BRIP1: variants seen among roughly 807,000 people sequenced by gnomAD.
BRIP1 encodes BRCA1 interacting DNA helicase 1.
A neutral mutation model predicts 119.7 loss-of-function variants in BRIP1; 88 were observed. That is an observed-to-expected ratio of 0.74 (90% CI 0.62 to 0.88). BRIP1 has a LOEUF of 0.88. BRIP1 is among the 40% of genes least tolerant of loss of function. The pLI, the probability that BRIP1 is intolerant of heterozygous loss-of-function variation, is 0.00. For missense variants in BRIP1, 1,259 were observed against 1,455.4 expected, an observed-to-expected ratio of 0.87 and a Z score of 2.20; for synonymous variants, 443 against 496.5, an observed-to-expected ratio of 0.89 and a Z score of 1.43.
Position 61,706,679 on chromosome 17 carries a change from T to G in BRIP1, c.2492+9272A>C, listed in dbSNP as rs1004631454. On this transcript the variant is annotated intron_variant, in intron 17 of 19. Transcript: ENST00000259008. This position sits in a 1 kb window ranked among gnomAD's most constrained non-coding sequence, Gnocchi z 5.7. ...AAGATGTTTATTTCTCTTATACCAC[T>G]GATACTTCACCATCCCTTCCTGGGA... 6.6e-6 allele frequency among the ~76,000 whole-genome samples: 1 copy of G among 152,182 alleles called. No homozygotes were observed. Among genetic ancestry groups the G allele is most frequent in the Non-Finnish European group, 1.5e-5 (1 of 67,988 alleles).
intron 4 of BRIP1, among the ~76,000 whole-genome samples, chr17:61,854,083 C>G (rs186290338): frequency 6.6e-6 from 1 of 151,984 alleles, no homozygotes; most frequent in Non-Finnish European, 1.5e-5. Flanking sequence ...CAAGACAAGC[C>G]TGGGGAACAC....
At chr17:61,782,546 G>A (rs1465992351) in intron 11 of BRIP1, among the ~76,000 whole-genome samples, 1 of 151,976 alleles carries the variant, frequency 6.6e-6, no homozygotes, top group South Asian at 2.1e-4. Flanking sequence ...CTGCATCAAA[G>A]GACACTATGA....
At position 61,708,576 on chromosome 17, in the gene BRIP1, A is replaced by G. The variant is rs758744015; in HGVS notation, c.2492+7375T>C. The stretch of plus-strand genomic sequence containing the variant: ...TGTTCTAGTCTGTTGTGTTGTTTCT[A>G]TTTTCTCAGAGTTCTTCTGCTGTGT... On this transcript the variant is annotated intron_variant, in intron 17 of 19. Coordinates refer to ENST00000259008, the MANE Select transcript of BRIP1 (RefSeq NM_032043.3). The surrounding 1 kb of genome is among the most constrained non-coding windows in gnomAD (Gnocchi z 4.4). 3.9e-5 allele frequency among the ~76,000 whole-genome samples: 6 copies of G among 151,932 alleles called. No homozygotes were observed. Among genetic ancestry groups the G allele is most frequent in the South Asian group, 4.2e-4 (2 of 4,812 alleles).
intron 14 of BRIP1, among the ~76,000 whole-genome samples, chr17:61,749,088 G>T (rs984147300): frequency 5.3e-5 from 8 of 150,050 alleles, no homozygotes; most frequent in South Asian, 4.2e-4. Context: ...AGTGAGCCAA[G>T]ATCACGCCAC....
rs1241591829 is a variant in BRIP1, at chr17:61,804,960, G to C, written c.919-3486C>G. 1.0e-4 allele frequency among the ~76,000 whole-genome samples: 3 copies of C among 28,574 alleles called. No homozygotes were observed. Among genetic ancestry groups the C allele is most frequent in the Non-Finnish European group, 1.9e-4 (2 of 10,790 alleles). The allele number at this position is 28,574 out of a possible 152,430, so 18.7% of individuals were successfully genotyped here. On this transcript the variant is annotated intron_variant, in intron 7 of 19. Transcript: ENST00000259008. This position sits in a 1 kb window ranked among gnomAD's most constrained non-coding sequence, Gnocchi z 4.5. The stretch of plus-strand genomic sequence containing the variant: ...ATGAAATGTCTCTCTCTTTCTGTGT[G>C]TGTGTGTGTGTGTGTGTGTGTGTGT...
In BRIP1 at chr17:61,820,707, T is replaced by G. The variant is rs572941500; in HGVS notation, c.628-11950A>C. 1.5e-3 allele frequency among the ~76,000 whole-genome samples: 235 copies of G among 152,288 alleles called. 5 individuals are homozygous for G. The South Asian group carries it at 0.04, about 26-fold the overall frequency. The stretch of plus-strand genomic sequence containing the variant: ...GCTCACGCCTGTAATCCCAACACTT[T>G]GGGAGACCGAGGGGAGTGGATCACT... On this transcript the variant is annotated intron_variant, in intron 6 of 19. Coordinates refer to ENST00000259008, the MANE Select transcript of BRIP1 (RefSeq NM_032043.3).
Position 61,693,153 on chromosome 17 carries a change from C to G in BRIP1, c.2575+277G>C, listed in dbSNP as rs921321739. ...GCATAATTCAATTTATATGAGGTAT[C>G]CAAAACAGTCAAACTAATAGAAGCA... On this transcript the variant is annotated intron_variant, in intron 18 of 19. Coordinates refer to ENST00000259008, the MANE Select transcript of BRIP1 (RefSeq NM_032043.3). This position sits in a 1 kb window ranked among gnomAD's most constrained non-coding sequence, Gnocchi z 4.2. Among the ~76,000 whole-genome samples the G allele has an allele frequency of 6.6e-6, 1 of 152,052 alleles. No homozygotes were observed. Among genetic ancestry groups the G allele is most frequent in the African/African-American group, 2.4e-5 (1 of 41,378 alleles).
intron 10 of BRIP1, among the ~76,000 whole-genome samples, chr17:61,786,116 G>A (rs1360827475): frequency 1.3e-5 from 2 of 151,924 alleles, no homozygotes; most frequent in Non-Finnish European, 2.9e-5. Flanking sequence ...AACTATACTG[G>A]CAGAATAGAG....
At position 61,852,344 on chromosome 17, in the gene BRIP1, A is replaced by T. The variant is rs1419402934; in HGVS notation, c.380-3088T>A. 1.3e-5 allele frequency among the ~76,000 whole-genome samples: 2 copies of T among 152,262 alleles called. No homozygotes were observed. The highest frequency in any genetic ancestry group is 2.1e-4 in the South Asian group (1 of 4,812). On this transcript the variant is annotated intron_variant, in intron 4 of 19. Coordinates refer to ENST00000259008, the MANE Select transcript of BRIP1 (RefSeq NM_032043.3). The surrounding 1 kb of genome is among the most constrained non-coding windows in gnomAD (Gnocchi z 4.9). ...AGATATCTCCCGATTATGTTTTTTT[A>T]AAATCTTCAAGAAACCTAAGAAATA...
rs2077288504 is a variant in BRIP1 at position 61,762,278 on chromosome 17, C to T, written c.2097+14123G>A. Among the ~76,000 whole-genome samples the T allele has an allele frequency of 6.6e-6, 1 of 151,874 alleles. No homozygotes were observed. Among genetic ancestry groups the T allele is most frequent in the Admixed American group, 6.6e-5 (1 of 15,222 alleles). On this transcript the variant is annotated intron_variant, in intron 14 of 19. Transcript: ENST00000259008. This position sits in a 1 kb window ranked among gnomAD's most constrained non-coding sequence, Gnocchi z 4.3. Reference sequence around the variant, plus strand: ...TGAATTAAAGATTTAAACCCAAGAACTGAAACTGTAAAACTACTAGAAGAA... The same window carrying T: ...TGAATTAAAGATTTAAACCCAAGAATTGAAACTGTAAAACTACTAGAAGAA...
Position 61,861,473 on chromosome 17 carries a change from G to A in BRIP1, c.67C>T (p.Pro23Ser), listed in dbSNP as rs1603368425. ...GAATTCATCATAGCAAGCTGTGACGGGTAAGCTTTATAAGGAAAGTAAATC... is the reference window on the plus strand; with the variant it reads ...GAATTCATCATAGCAAGCTGTGACGAGTAAGCTTTATAAGGAAAGTAAATC... Reference protein sequence around the residue: ...VKIYFPYKAYPSQLAMMNSIL... With the variant: ...VKIYFPYKAYSSQLAMMNSIL... The change falls in exon 2 of 20, where the codon CCG (proline) becomes TCG (serine). Residue 23 changes from proline to serine, a missense_variant. Physicochemically the swap from Pro to Ser is moderately conservative, Grantham distance 74. Transcript: ENST00000259008. The surrounding 1 kb of genome is among the most constrained non-coding windows in gnomAD (Gnocchi z 4.5). 1 of 1,612,790 alleles carries A rather than the reference G, an allele frequency of 6.2e-7. No individual in the cohort carries two copies. Among genetic ancestry groups the A allele is most frequent in the South Asian group, 1.1e-5 (1 of 91,040 alleles).
chr17:61,735,507 G>A lies in BRIP1; in HGVS notation c.2379+7506C>T, dbSNP rs1351153465. Among the ~76,000 whole-genome samples the A allele has an allele frequency of 2.6e-5, 4 of 151,958 alleles. No homozygotes were observed. In the East Asian group the frequency reaches 7.7e-4, roughly 29 times the overall value. On this transcript the variant is annotated intron_variant, in intron 16 of 19. Transcript: ENST00000259008. This position sits in a 1 kb window ranked among gnomAD's most constrained non-coding sequence, Gnocchi z 4.4. ...TCTTGAAGCCAAGAGTACACCTTAG[G>A]GCTAGGCACGGTGGCTCACACTTGT... is the stretch of plus-strand genomic sequence containing the variant.
At chr17:61,849,627 G>C (rs554073724) in intron 4 of BRIP1, among the ~76,000 whole-genome samples, 10 of 152,192 alleles carry the variant, frequency 6.6e-5, no homozygotes, top group African/African-American at 2.2e-4. Context: ...GTTTCTCCAC[G>C]TTCTTTAGAG....
rs2061998993 is a variant in BRIP1 at position 61,722,602 on chromosome 17, G to T, written c.2380-6539C>A. On this transcript the variant is annotated intron_variant, in intron 16 of 19. Transcript: ENST00000259008. The surrounding 1 kb of genome is among the most constrained non-coding windows in gnomAD (Gnocchi z 4.6). ...AAGAAAGTTGACATCTACTTTGTCAGACATAATAGCTTATGTGTTTTCAAA... is the reference window on the plus strand; with the variant it reads ...AAGAAAGTTGACATCTACTTTGTCATACATAATAGCTTATGTGTTTTCAAA... 1.3e-5 allele frequency among the ~76,000 whole-genome samples: 2 copies of T among 152,174 alleles called. No individual in the cohort carries two copies. The highest frequency in any genetic ancestry group is 2.9e-5 in the Non-Finnish European group (2 of 68,034).
intron 10 of BRIP1, among the ~76,000 whole-genome samples, chr17:61,787,397 T>A (rs2077744043): frequency 7.3e-6 from 1 of 137,152 alleles, no homozygotes; most frequent in Non-Finnish European, 1.5e-5. Flanking sequence ...ATAGTATATA[T>A]ATTTATATAA....
rs1473159589 is a variant in BRIP1 at position 61,751,685 on chromosome 17, CTTT to C, written c.2098-7097_2098-7095del. On this transcript the variant is annotated intron_variant, in intron 14 of 19. Transcript: ENST00000259008. This position sits in a 1 kb window ranked among gnomAD's most constrained non-coding sequence, Gnocchi z 6.7. ...ATATAAAGTTCAAAAACAATATGTT[CTTT>C]GAGAAAAATATATATAACTTTAAAA... Among the ~76,000 whole-genome samples the C allele has an allele frequency of 1.3e-5, 2 of 151,934 alleles. No individual in the cohort carries two copies. The highest frequency in any genetic ancestry group is 4.8e-5 in the African/African-American group (2 of 41,350).
chr17:61,844,509 G>A lies in BRIP1; in HGVS notation c.627+2592C>T, dbSNP rs1351465116. Among the ~76,000 whole-genome samples the A allele has an allele frequency of 3.9e-5, 6 of 152,174 alleles. No homozygotes were observed. Among genetic ancestry groups the A allele is most frequent in the Non-Finnish European group, 8.8e-5 (6 of 68,038 alleles). On this transcript the variant is annotated intron_variant, in intron 6 of 19. Coordinates refer to ENST00000259008, the MANE Select transcript of BRIP1 (RefSeq NM_032043.3). The surrounding 1 kb of genome is among the most constrained non-coding windows in gnomAD (Gnocchi z 4.7). Reference sequence around the variant, plus strand: ...GGAGGCTGGGGTTGGAGGATCACTTGAGCCTGGGATTTTGAGGTTACAGTG... The same window carrying A: ...GGAGGCTGGGGTTGGAGGATCACTTAAGCCTGGGATTTTGAGGTTACAGTG...
chr17:61,746,348 T>C lies in BRIP1; in HGVS notation c.2098-1757A>G, dbSNP rs1016849300. ...CAATTATTGAAATGATAATAATGTCTTTCCCTATCGGTCATTACTTTAAAT... is the reference window on the plus strand; with the variant it reads ...CAATTATTGAAATGATAATAATGTCCTTCCCTATCGGTCATTACTTTAAAT... On this transcript the variant is annotated intron_variant, in intron 14 of 19. Transcript: ENST00000259008. The surrounding 1 kb of genome is among the most constrained non-coding windows in gnomAD (Gnocchi z 4.9). 2.6e-5 allele frequency among the ~76,000 whole-genome samples: 4 copies of C among 151,582 alleles called. No individual in the cohort carries two copies. The South Asian group carries it at 8.3e-4, about 32-fold the overall frequency.
Position 61,761,154 on chromosome 17 carries a change from A to AT in BRIP1, c.2097+15246dup, listed in dbSNP as rs888585182. On this transcript the variant is annotated intron_variant, in intron 14 of 19. Coordinates refer to ENST00000259008, the MANE Select transcript of BRIP1 (RefSeq NM_032043.3). The surrounding 1 kb of genome is among the most constrained non-coding windows in gnomAD (Gnocchi z 6.4). Reference sequence around the variant, plus strand: ...ATTAATAGAATGAAGGACAAAAACCATATGATCATCTCATTAGATGTAGAA... The same window carrying AT: ...ATTAATAGAATGAAGGACAAAAACCATTATGATCATCTCATTAGATGTAGAA... 4.6e-5 allele frequency among the ~76,000 whole-genome samples: 7 copies of AT among 152,106 alleles called. No homozygotes were observed. The highest frequency in any genetic ancestry group is 1.0e-4 in the Non-Finnish European group (7 of 67,956).
Sources: gnomAD v4.1 joint callset for allele counts (sites outside exome capture counted in the v4.1 genomes callset) on GRCh38, gnomAD v4.1.1 for gene constraint, Gnocchi (gnomAD v3.1) non-coding constraint, MANE v1.5 for transcripts, NCBI Gene and HGNC (gene_info 2026-07-23, HGNC 2026-07-21) for gene names.